SUGCT: variants seen among roughly 807,000 people sequenced by gnomAD.
SUGCT encodes succinyl-CoA:glutarate CoA-transferase.
In SUGCT, 41 loss-of-function variants were observed where a neutral mutation model predicts 55.0. That is an observed-to-expected ratio of 0.74 (90% CI 0.58 to 0.97). The LOEUF (loss-of-function observed/expected upper bound fraction) is 0.97, where lower values mean the gene tolerates loss of function less well. Ranked by LOEUF, SUGCT falls within the 50% of genes least tolerant of loss-of-function variation. The probability of loss-of-function intolerance (pLI) is 0.00; values close to 1 mark genes in which losing one functional copy is unlikely to be tolerated. For missense variants in SUGCT, 568 were observed against 547.8 expected, an observed-to-expected ratio of 1.04 and a Z score of -0.37; for synonymous variants, 187 against 200.4, an observed-to-expected ratio of 0.93 and a Z score of 0.56.
chr7:40,771,292 G>A (rs1250215063), intron 13 of SUGCT, among the ~76,000 whole-genome samples: 3 of 152,170 alleles, frequency 2.0e-5, no homozygotes, highest in Non-Finnish European at 4.4e-5. Flanking sequence ...GCAGCAGATT[G>A]TGTGTGGATC....
At chr7:40,322,538 T>A (rs1795810979) in intron 9 of SUGCT, among the ~76,000 whole-genome samples, 1 of 152,176 alleles carries the variant, frequency 6.6e-6, no homozygotes, top group African/African-American at 2.4e-5. Flanking sequence ...GCAGCAGGAA[T>A]TGAGGGAGCT....
chr7:41,038,270 T>C, the SUGCT span, among the ~76,000 whole-genome samples: 1 of 152,176 alleles, frequency 6.6e-6, no homozygotes, highest in Non-Finnish European at 1.5e-5. Context: ...GCTGGAGGCT[T>C]CTGACCTAGG....
intron 7 of SUGCT, among the ~76,000 whole-genome samples, chr7:40,261,485 A>G (rs1278723034): frequency 1.3e-5 from 2 of 152,184 alleles, no homozygotes; most frequent in Non-Finnish European, 2.9e-5. Context: ...GTATCCCAAC[A>G]TATGTACTAA....
intron 12 of SUGCT, among the ~76,000 whole-genome samples, chr7:40,588,590 T>G (rs1433967137): frequency 1.3e-5 from 2 of 152,212 alleles, no homozygotes; most frequent in African/African-American, 4.8e-5. Flanking sequence ...AATAAAGAAC[T>G]ATAAACAATA....
At chr7:40,646,454 C>T (rs1800516801) in intron 12 of SUGCT, among the ~76,000 whole-genome samples, 1 of 152,170 alleles carries the variant, frequency 6.6e-6, no homozygotes, top group African/African-American at 2.4e-5. Flanking sequence ...TGCACTTCTT[C>T]CTGTGTCCTA....
the SUGCT span, among the ~76,000 whole-genome samples, chr7:40,892,000 C>G: frequency 1.3e-5 from 2 of 151,716 alleles, no homozygotes; most frequent in Admixed American, 1.3e-4. Flanking sequence ...GAGCAAGACT[C>G]TGTCTCAACA....
At chr7:40,427,622 C>T (rs1787656585) in intron 9 of SUGCT, among the ~76,000 whole-genome samples, 1 of 152,032 alleles carries the variant, frequency 6.6e-6, no homozygotes, top group Non-Finnish European at 1.5e-5. Context: ...TTTATTTTAA[C>T]CTCATAATCA....
intron 9 of SUGCT, among the ~76,000 whole-genome samples, chr7:40,322,315 C>T (rs1167784321): frequency 6.6e-6 from 1 of 152,168 alleles, no homozygotes; most frequent in Non-Finnish European, 1.5e-5. Context: ...ATGAATTTCT[C>T]TAGTCTTCTA....
At chr7:40,675,719 C>T (rs1017691711) in intron 12 of SUGCT, among the ~76,000 whole-genome samples, 9 of 152,058 alleles carry the variant, frequency 5.9e-5, no homozygotes, top group Admixed American at 4.6e-4. Flanking sequence ...GCATCAGGAA[C>T]GGGGAGACAT....
chr7:40,808,993 T>C (rs1325775800), intron 13 of SUGCT, among the ~76,000 whole-genome samples: 6 of 152,172 alleles, frequency 3.9e-5, no homozygotes, highest in African/African-American at 9.7e-5. Context: ...TTTTATACTG[T>C]TGGGCCTCGG....
chr7:40,706,790 T>C (rs927634444), intron 12 of SUGCT, among the ~76,000 whole-genome samples: 2 of 152,168 alleles, frequency 1.3e-5, no homozygotes, highest in Admixed American at 6.5e-5. Flanking sequence ...AACCATAGCA[T>C]TGACAAAAAA....
Position 40,177,398 on chromosome 7 carries a change from T to C in SUGCT, c.101-3549T>C, listed in dbSNP as rs149447758. Among the ~76,000 whole-genome samples the C allele has an allele frequency of 5.2e-3, 667 of 128,434 alleles. 7 individuals are homozygous for C. Among genetic ancestry groups the C allele is most frequent in the African/African-American group, 0.018 (643 of 34,888 alleles). 84.3% of individuals were successfully genotyped at this position (128,434 alleles called of 152,430 possible). A position where few individuals can be genotyped will look rare whatever the true frequency, so the allele number is the denominator to read the frequency against. On this transcript the variant is annotated intron_variant, in intron 1 of 13. Transcript: ENST00000335693. The stretch of plus-strand genomic sequence containing the variant: ...ACTGCGCCCACTATACAAGCAGCGC[T>C]GGCGGCCCTCTAAATCTGCTGTGAC...
At chr7:40,615,618 G>A (rs1798965078) in intron 12 of SUGCT, among the ~76,000 whole-genome samples, 2 of 152,208 alleles carry the variant, frequency 1.3e-5, no homozygotes, top group African/African-American at 4.8e-5. Context: ...CTGCTGTTCA[G>A]TGGAGAAGTT....
At chr7:40,151,861 G>A (rs1232369838) in intron 1 of SUGCT, 1 of 152,238 alleles carries the variant, frequency 6.6e-6, no homozygotes, top group African/African-American at 2.4e-5. Context: ...GGAGACTGAG[G>A]TTTTCTAAGG....
chr7:40,887,148 G>T, the SUGCT span, among the ~76,000 whole-genome samples: 5 of 152,194 alleles, frequency 3.3e-5, no homozygotes, highest in African/African-American at 1.2e-4. Flanking sequence ...TGAAGTTGAA[G>T]ATTGAAGCAG....
At chr7:40,153,246 A>T (rs1340596333) in intron 1 of SUGCT, 2 of 399,934 alleles carry the variant, frequency 5.0e-6, no homozygotes, top group Non-Finnish European at 9.7e-6. Context: ...TCTTGCAGAG[A>T]TGAGACTGAT....
intron 13 of SUGCT, among the ~76,000 whole-genome samples, chr7:40,842,201 C>G (rs1793313223): frequency 6.6e-6 from 1 of 152,012 alleles, no homozygotes; most frequent in Non-Finnish European, 1.5e-5. Flanking sequence ...GCAACACCCA[C>G]TACCAAAGAG....
At chr7:40,508,305 A>G (rs1165128924) in intron 12 of SUGCT, among the ~76,000 whole-genome samples, 1 of 152,124 alleles carries the variant, frequency 6.6e-6, no homozygotes, top group East Asian at 1.9e-4. Context: ...TGCCGTGCCT[A>G]AGGTAGAGCT....
At chr7:40,995,380 C>CCGTTATTATTATTATTATTAT in the SUGCT span, among the ~76,000 whole-genome samples, 12 of 44,150 alleles carry the variant, frequency 2.7e-4, no homozygotes, top group African/African-American at 1.5e-3. Context: ...CCTATAATAG[C>CCGTTATTATTATTATTATTAT]TGTTATTATT....
Sources: gnomAD v4.1 joint callset for allele counts (sites outside exome capture counted in the v4.1 genomes callset) on GRCh38, gnomAD v4.1.1 for gene constraint, MANE v1.5 for transcripts, NCBI Gene and HGNC (gene_info 2026-07-23, HGNC 2026-07-21) for gene names.